SPECC1L: variants seen among roughly 807,000 people sequenced by gnomAD.
The protein encoded by SPECC1L is cytospin-A.
Under a neutral mutation model 116.8 loss-of-function variants are expected in SPECC1L, and 40 were observed. That is an observed-to-expected ratio of 0.34 (90% CI 0.27 to 0.45). The LOEUF (loss-of-function observed/expected upper bound fraction) is 0.45, where lower values mean the gene tolerates loss of function less well. Among genes scored for constraint, SPECC1L ranks in the 20% least tolerant of loss-of-function variants. The probability of loss-of-function intolerance (pLI) is 1.00; values close to 1 mark genes in which losing one functional copy is unlikely to be tolerated. For synonymous variants in SPECC1L, 504 were observed against 500.6 expected, an observed-to-expected ratio of 1.01 and a Z score of -0.09; for missense variants, 1,110 against 1,373.6, an observed-to-expected ratio of 0.81 and a Z score of 3.03.
chr22:24,304,875 AGAG>A (rs2049459627), intron 3 of SPECC1L, among the ~76,000 whole-genome samples: 1 of 152,226 alleles, frequency 6.6e-6, no homozygotes, highest in Non-Finnish European at 1.5e-5. Context: ...GGCTTGACTT[AGAG>A]AAGTATACGT....
intron 3 of SPECC1L, chr22:24,304,440 A>G (rs2049448466): frequency 1.3e-5 from 2 of 152,232 alleles, no homozygotes; most frequent in Admixed American, 1.3e-4. Context: ...ACAAAACACT[A>G]CTGCTGCTCA....
intron 10 of SPECC1L, among the ~76,000 whole-genome samples, chr22:24,343,093 C>T (rs1350143531): frequency 6.6e-6 from 1 of 152,028 alleles, no homozygotes; most frequent in East Asian, 1.9e-4. Context: ...ACTTGGGAGG[C>T]TGAGGCAGGA....
intron 14 of SPECC1L, among the ~76,000 whole-genome samples, chr22:24,375,975 AAAAC>A (rs1372956974): frequency 6.6e-6 from 1 of 151,958 alleles, no homozygotes; most frequent in Admixed American, 6.6e-5. Flanking sequence ...ACAAACAAAA[AAAAC>A]AAAAAAAACC....
intron 1 of SPECC1L, among the ~76,000 whole-genome samples, chr22:24,273,408 G>A (rs1348648119): frequency 6.6e-6 from 1 of 152,138 alleles, no homozygotes; most frequent in East Asian, 1.9e-4. Flanking sequence ...CTTTAAAAAA[G>A]TTCTGCTTTC....
intron 5 of SPECC1L, chr22:24,323,188 G>C (rs1045926674): frequency 2.4e-6 from 2 of 835,958 alleles, no homozygotes; most frequent in African/African-American, 3.7e-5. Context: ...ACCAGAATTT[G>C]TCCCTAGTTC....
chr22:24,350,972 C>T (rs565290939), intron 11 of SPECC1L, among the ~76,000 whole-genome samples: 87 of 152,334 alleles, frequency 5.7e-4, no homozygotes, highest in African/African-American at 2.0e-3. Context: ...AGGACAGTGA[C>T]GCTCCATGTT....
chr22:24,417,462 T>C lies in SPECC1L; in HGVS notation c.*2839T>C, dbSNP rs528077341. On this transcript the variant is annotated 3_prime_UTR_variant, in exon 17 of 17. Transcript: ENST00000314328. ...CCCTGGGCCACAGCACATCACCGTG[T>C]GGCCTGGGGCTGTGGGACAGTGAGC... The C allele has an allele frequency of 3.3e-5, 5 of 152,302 alleles. No individual in the cohort carries two copies. In the South Asian group the frequency reaches 1.0e-3, roughly 32 times the overall value. 9.4% of individuals were successfully genotyped at this position (152,302 alleles called of 1,614,324 possible). A position where few individuals can be genotyped will look rare whatever the true frequency, so the allele number is the denominator to read the frequency against.
intron 11 of SPECC1L, among the ~76,000 whole-genome samples, chr22:24,355,056 G>A (rs757763884): frequency 4.0e-5 from 6 of 151,332 alleles, no homozygotes; most frequent in Non-Finnish European, 5.9e-5. Flanking sequence ...CGAGGTGGGC[G>A]GATCAGGAGG....
chr22:24,406,426 A>G (rs2042591928), intron 14 of SPECC1L, among the ~76,000 whole-genome samples: 1 of 152,192 alleles, frequency 6.6e-6, no homozygotes, highest in African/African-American at 2.4e-5. Context: ...TCATTCTCAC[A>G]GTCATCCAGA....
chr22:24,338,614 A>G (rs2041110373), intron 10 of SPECC1L, 137 bp downstream of exon 10: 6 of 669,350 alleles, frequency 9.0e-6, no homozygotes, highest in African/African-American at 1.8e-5. Context: ...TTTGTTTCCT[A>G]AAATACTATA....
chr22:24,413,237 C>T (rs374337533), intron 16 of SPECC1L, among the ~76,000 whole-genome samples: 3 of 152,292 alleles, frequency 2.0e-5, no homozygotes, highest in African/African-American at 4.8e-5. Flanking sequence ...AGTGTGGAAA[C>T]CCGGCGTGTT....
At chr22:24,392,900 CTT>C (rs1274712400) in intron 14 of SPECC1L, among the ~76,000 whole-genome samples, 1 of 152,240 alleles carries the variant, frequency 6.6e-6, no homozygotes, top group Non-Finnish European at 1.5e-5. Flanking sequence ...TTGGCGGAGA[CTT>C]TCACTAGACC....
At chr22:24,404,477 G>C (rs1052983064) in intron 14 of SPECC1L, among the ~76,000 whole-genome samples, 2 of 152,142 alleles carry the variant, frequency 1.3e-5, no homozygotes, top group Admixed American at 6.5e-5. Context: ...ACCAGCGTCT[G>C]GTTCTGCCCA....
chr22:24,316,109 C>T (rs2040557866), intron 4 of SPECC1L, among the ~76,000 whole-genome samples: 2 of 152,192 alleles, frequency 1.3e-5, no homozygotes, highest in African/African-American at 2.4e-5. Flanking sequence ...CCTTATTCTT[C>T]AGTTCATCTG....
intron 2 of SPECC1L, among the ~76,000 whole-genome samples, chr22:24,294,583 A>G (rs1442601787): frequency 1.3e-5 from 2 of 151,710 alleles, no homozygotes; most frequent in East Asian, 3.9e-4. Flanking sequence ...GGGTTTCACC[A>G]TGTTGGCTAG....
intron 14 of SPECC1L, among the ~76,000 whole-genome samples, chr22:24,390,109 T>C (rs1385309736): frequency 6.6e-6 from 1 of 151,858 alleles, no homozygotes; most frequent in African/African-American, 2.4e-5. Flanking sequence ...GGAATGTTAT[T>C]TCTACTCATC....
intron 14 of SPECC1L, among the ~76,000 whole-genome samples, chr22:24,389,686 G>T (rs114501488): frequency 0.015 from 2,213 of 152,240 alleles, 60 homozygotes; most frequent in African/African-American, 0.05. Flanking sequence ...TGTCCCCATA[G>T]ATTGAAGAAT....
intron 14 of SPECC1L, among the ~76,000 whole-genome samples, chr22:24,396,343 C>G (rs1029627571): frequency 2.6e-5 from 4 of 151,866 alleles, no homozygotes; most frequent in African/African-American, 9.7e-5. Flanking sequence ...GGGTCTCACT[C>G]TGTCACCCAG....
At chr22:24,318,775 A>G (rs1268524880) in intron 4 of SPECC1L, among the ~76,000 whole-genome samples, 4 of 152,120 alleles carry the variant, frequency 2.6e-5, no homozygotes, top group African/African-American at 9.7e-5. Context: ...CAAAAAATAC[A>G]AAAATTAGCT....
Sources: gnomAD v4.1 joint callset for allele counts (sites outside exome capture counted in the v4.1 genomes callset) on GRCh38, gnomAD v4.1.1 for gene constraint, MANE v1.5 for transcripts, NCBI Gene and HGNC (gene_info 2026-07-23, HGNC 2026-07-21) for gene names.